The following ZNF423 variants were observed in gnomAD, a reference collection of about 807,000 sequenced individuals.
ZNF423 encodes the protein zinc finger protein 423, also known as Ebf-associated zinc finger protein.
A neutral mutation model predicts 95.8 loss-of-function variants in ZNF423; 12 were observed. The observed-to-expected ratio is 0.13, with a 90% CI of 0.08 to 0.20. ZNF423 has a LOEUF of 0.20. ZNF423 is among the 10% of genes least tolerant of loss of function. The probability of loss-of-function intolerance (pLI) is 1.00; values close to 1 mark genes in which losing one functional copy is unlikely to be tolerated. For synonymous variants in ZNF423, 749 were observed against 711.9 expected (o/e 1.05, Z -0.83); for missense variants, 1,316 against 1,737.1 (o/e 0.76, Z 4.31).
chr16:49,730,752 T>C lies in ZNF423; in HGVS notation c.301+19A>G, dbSNP rs372074855. The C allele has an allele frequency of 6.2e-6, 10 of 1,614,082 alleles. No homozygotes were observed. The highest frequency in any genetic ancestry group is 8.5e-6 in the Non-Finnish European group (10 of 1,179,994). ...CCCGTGTAACCACCTGTCAGAGTCC[T>C]GGGGCTGTTTTGCATTACCTCCAGG... is the stretch of plus-strand genomic sequence containing the variant. On this transcript the variant is annotated intron_variant, in intron 3 of 7. Coordinates refer to ENST00000563137, the MANE Select transcript of ZNF423 (RefSeq NM_001379286.1).
intron 1 of ZNF423, among the ~76,000 whole-genome samples, chr16:49,832,171 C>A (rs2035067843): frequency 6.6e-6 from 1 of 152,136 alleles, no homozygotes; most frequent in South Asian, 2.1e-4. Context: ...CCAACTCCAG[C>A]CCTGAAGCTT....
chr16:49,665,702 G>C (rs1056724837), intron 3 of ZNF423, among the ~76,000 whole-genome samples: 2 of 152,006 alleles, frequency 1.3e-5, no homozygotes, highest in Non-Finnish European at 1.5e-5. Context: ...GACTCGGGGA[G>C]CCCCCCATCA....
intron 1 of ZNF423, among the ~76,000 whole-genome samples, chr16:49,831,622 G>A (rs1414809681): frequency 6.6e-6 from 1 of 152,188 alleles, no homozygotes; most frequent in Non-Finnish European, 1.5e-5. Context: ...AGCACAAAGG[G>A]ATCAACAGGA....
chr16:49,582,022 C>G (rs1293501982), intron 5 of ZNF423, among the ~76,000 whole-genome samples: 1 of 152,178 alleles, frequency 6.6e-6, no homozygotes. Context: ...GGAAACTTGG[C>G]TCAAATATCT....
intron 2 of ZNF423, among the ~76,000 whole-genome samples, chr16:49,734,004 T>C (rs746743249): frequency 1.1e-4 from 16 of 152,360 alleles, no homozygotes; most frequent in South Asian, 4.1e-4. Context: ...CAGGATCGAA[T>C]CTACACGTTC....
rs1398152498 is a variant in ZNF423, at chr16:49,730,757, C to A, written c.301+14G>T. On this transcript the variant is annotated intron_variant, in intron 3 of 7. Coordinates refer to ENST00000563137, the MANE Select transcript of ZNF423 (RefSeq NM_001379286.1). Reference sequence around the variant, plus strand: ...GTAACCACCTGTCAGAGTCCTGGGGCTGTTTTGCATTACCTCCAGGACAGC... The same window carrying A: ...GTAACCACCTGTCAGAGTCCTGGGGATGTTTTGCATTACCTCCAGGACAGC... 6.2e-7 allele frequency: 1 copy of A among 1,614,054 alleles called. No homozygotes were observed. The highest frequency in any genetic ancestry group is 8.5e-7 in the Non-Finnish European group (1 of 1,180,004).
intron 5 of ZNF423, among the ~76,000 whole-genome samples, chr16:49,577,149 G>A (rs1259193120): frequency 6.6e-6 from 1 of 152,198 alleles, no homozygotes; most frequent in African/African-American, 2.4e-5. Flanking sequence ...GGCGTGGGGG[G>A]GTGGGGTCCC....
At chr16:49,689,769 G>A (rs2031709468) in intron 3 of ZNF423, among the ~76,000 whole-genome samples, 2 of 152,170 alleles carry the variant, frequency 1.3e-5, no homozygotes, top group Admixed American at 1.3e-4. Context: ...GGTACCTGAG[G>A]AGGCATCCAG....
intron 2 of ZNF423, among the ~76,000 whole-genome samples, chr16:49,751,210 T>C (rs564733248): frequency 6.6e-6 from 1 of 152,290 alleles, no homozygotes; most frequent in South Asian, 2.1e-4. Flanking sequence ...CTCAGCTTGG[T>C]CAAATCTTTT....
At chr16:49,583,944 A>G (rs1420681) in intron 5 of ZNF423, among the ~76,000 whole-genome samples, 17,623 of 152,240 alleles carry the variant, frequency 0.12, 1,590 homozygotes, top group African/African-American at 0.24. Flanking sequence ...TGGGGTGCTC[A>G]GGAATGTGTC....
At chr16:49,664,352 G>C in intron 3 of ZNF423, 1 of 926,180 alleles carries the variant, frequency 1.1e-6, no homozygotes, top group Non-Finnish European at 1.3e-6. Context: ...AAGGGCCTTG[G>C]GGAAGAAAAG....
Position 49,491,077 on chromosome 16 carries a change from C to T in ZNF423, c.*198G>A. On this transcript the variant is annotated 3_prime_UTR_variant, in exon 8 of 8. Transcript: ENST00000563137. ...AGCTGTAGCAGGACAATAAAAAATACTGAGCATGGAATACTTTTAATCTCT... is the reference window on the plus strand; with the variant it reads ...AGCTGTAGCAGGACAATAAAAAATATTGAGCATGGAATACTTTTAATCTCT... 1 of 625,432 alleles carries T rather than the reference C, an allele frequency of 1.6e-6. No homozygotes were observed. The highest frequency in any genetic ancestry group is 2.7e-5 in the East Asian group (1 of 36,790). 38.7% of individuals were successfully genotyped at this position (625,432 alleles called of 1,614,324 possible). A position where few individuals can be genotyped will look rare whatever the true frequency, so the allele number is the denominator to read the frequency against.
At chr16:49,655,870 G>A (rs922373074) in intron 3 of ZNF423, among the ~76,000 whole-genome samples, 1 of 152,120 alleles carries the variant, frequency 6.6e-6, no homozygotes, top group African/African-American at 2.4e-5. Flanking sequence ...ACAAACCCAC[G>A]CAGTCATTCC....
intron 3 of ZNF423, among the ~76,000 whole-genome samples, chr16:49,680,795 G>T (rs1421216315): frequency 6.6e-6 from 1 of 152,240 alleles, no homozygotes; most frequent in Non-Finnish European, 1.5e-5. Context: ...GATCCAGGCT[G>T]GTAGCATGAG....
At chr16:49,826,298 A>G (rs1168844851) in intron 1 of ZNF423, among the ~76,000 whole-genome samples, 1 of 152,228 alleles carries the variant, frequency 6.6e-6, no homozygotes, top group African/African-American at 2.4e-5. Flanking sequence ...TCCAGCCCAG[A>G]GGACTCAAAG....
chr16:49,632,620 C>A (rs1972543682), intron 4 of ZNF423, among the ~76,000 whole-genome samples: 1 of 152,170 alleles, frequency 6.6e-6, no homozygotes, highest in East Asian at 1.9e-4. Context: ...AGTCCCTGCA[C>A]AGCCGCGCAC....
At chr16:49,498,628 T>C (rs917370712) in intron 7 of ZNF423, among the ~76,000 whole-genome samples, 2 of 152,160 alleles carry the variant, frequency 1.3e-5, no homozygotes, top group African/African-American at 4.8e-5. Context: ...CAGGGCCTTC[T>C]CGCCCATCAT....
intron 4 of ZNF423, among the ~76,000 whole-genome samples, chr16:49,632,267 G>A (rs1436252559): frequency 6.6e-6 from 1 of 152,128 alleles, no homozygotes; most frequent in African/African-American, 2.4e-5. Context: ...TCTGAGAGCT[G>A]GTTGCTATGG....
At chr16:49,651,707 C>CT (rs1362019105) in intron 3 of ZNF423, among the ~76,000 whole-genome samples, 2 of 152,212 alleles carry the variant, frequency 1.3e-5, no homozygotes, top group Non-Finnish European at 2.9e-5. Context: ...CAGTGAATAT[C>CT]TGTAAGGCGT....
Sources: gnomAD v4.1 joint callset for allele counts (sites outside exome capture counted in the v4.1 genomes callset) on GRCh38, gnomAD v4.1.1 for gene constraint, MANE v1.5 for transcripts, NCBI Gene and HGNC (gene_info 2026-07-23, HGNC 2026-07-21) for gene names.